The following TMTC1 variants were observed in gnomAD, a reference collection of about 807,000 sequenced individuals.
The protein encoded by TMTC1 is protein O-mannosyl-transferase TMTC1.
TMTC1 carries 73 observed loss-of-function variants against 104.8 expected under a neutral mutation model. That is an observed-to-expected ratio of 0.70 (90% CI 0.58 to 0.85). TMTC1 has a LOEUF of 0.85. Among genes scored for constraint, TMTC1 ranks in the 40% least tolerant of loss-of-function variants. TMTC1 has a pLI of 0.00. For missense variants in TMTC1, 1,035 were observed against 1,096.1 expected (o/e 0.94, Z 0.79); for synonymous variants, 434 against 428.7 (o/e 1.01, Z -0.15).
At chr12:29,643,597 T>TTATATATTATATATATC (rs1938999998) in intron 5 of TMTC1, among the ~76,000 whole-genome samples, 1 of 30,886 alleles carries the variant, frequency 3.2e-5, no homozygotes, top group African/African-American at 1.5e-4. Context: ...TAAATATATA[T>TTATATATTATATATATC]TATATATTAT....
rs762997761 is a variant in TMTC1, at chr12:29,783,650, G to T, written c.102C>A (p.Ala34=). The change falls in exon 1 of 18, where the codon GCC becomes GCA. Residue 34 remains alanine (A), a synonymous_variant. Transcript: ENST00000539277. This position sits in a 1 kb window ranked among gnomAD's most constrained non-coding sequence, Gnocchi z 4.7. ...GGCCGTAGCACAGGCAGCTTGCCCC[G>T]GCCAGCAGCGCCGCGGCCCCGGCCG... ...LAPAGAAALL[A]GASCLCYGRS... 110 of 1,410,584 alleles carry T rather than the reference G, an allele frequency of 7.8e-5. No homozygotes were observed. Among genetic ancestry groups the T allele is most frequent in the Non-Finnish European group, 9.6e-5 (104 of 1,081,786 alleles). 87.4% of individuals were successfully genotyped at this position (1,410,584 alleles called of 1,614,324 possible).
intron 9 of TMTC1, among the ~76,000 whole-genome samples, chr12:29,563,617 T>C (rs547276865): frequency 2.0e-5 from 3 of 152,294 alleles, no homozygotes; most frequent in African/African-American, 7.2e-5. Context: ...AAAGTTGTTC[T>C]GCAAAATATC....
intron 8 of TMTC1, among the ~76,000 whole-genome samples, chr12:29,577,413 T>C (rs1479827447): frequency 6.6e-6 from 1 of 152,182 alleles, no homozygotes; most frequent in African/African-American, 2.4e-5. Context: ...GCTTCTCATG[T>C]ACTAGAATGG....
At chr12:29,653,053 CTG>C (rs1473746879) in intron 5 of TMTC1, among the ~76,000 whole-genome samples, 2 of 151,614 alleles carry the variant, frequency 1.3e-5, no homozygotes, top group South Asian at 2.1e-4. Context: ...CAGAGTGAAA[CTG>C]TGAACTGTGT....
Position 29,720,330 on chromosome 12 carries a change from C to T in TMTC1, c.938+31336G>A, listed in dbSNP as rs1041975119. On this transcript the variant is annotated intron_variant, in intron 5 of 17. Transcript: ENST00000539277. ...AGCACATCTGCACAGCCTCCTGTTT[C>T]GGTGAGTTTCTCCCAATAAATATGG... Among the ~76,000 whole-genome samples, 13 of 152,274 alleles carry T rather than the reference C, an allele frequency of 8.5e-5. No homozygotes were observed. The East Asian group carries it at 1.5e-3, about 18-fold the overall frequency.
At position 29,613,947 on chromosome 12, in the gene TMTC1, T is replaced by C; in HGVS notation, c.1129-9648A>G. 4.1e-6 allele frequency: 4 copies of C among 981,960 alleles called. No homozygotes were observed. The South Asian group carries it at 1.9e-4, about 46-fold the overall frequency. 60.8% of individuals were successfully genotyped at this position (981,960 alleles called of 1,614,324 possible). A position where few individuals can be genotyped will look rare whatever the true frequency, so the allele number is the denominator to read the frequency against. On this transcript the variant is annotated intron_variant, in intron 6 of 17. Coordinates refer to ENST00000539277, the MANE Select transcript of TMTC1 (RefSeq NM_001193451.2). ...TTCATCTATCCACTTGGAATTGTCATACAGAAGACAGTCCCTTTGTTCTAT... is the reference window on the plus strand; with the variant it reads ...TTCATCTATCCACTTGGAATTGTCACACAGAAGACAGTCCCTTTGTTCTAT...
At chr12:29,660,798 ACT>A (rs771662495) in intron 5 of TMTC1, 1 of 1,195,844 alleles carries the variant, frequency 8.4e-7, no homozygotes, top group South Asian at 1.7e-5. Context: ...ATATATATAT[ACT>A]TACATAACTT....
chr12:29,697,307 C>T (rs905297739), intron 5 of TMTC1, among the ~76,000 whole-genome samples: 1 of 152,200 alleles, frequency 6.6e-6, no homozygotes, highest in African/African-American at 2.4e-5. Flanking sequence ...TGAGCCTGTC[C>T]TGCTTCTCTT....
At chr12:29,700,633 T>C (rs779881678) in intron 5 of TMTC1, among the ~76,000 whole-genome samples, 6 of 152,314 alleles carry the variant, frequency 3.9e-5, no homozygotes, top group Non-Finnish European at 7.3e-5. Context: ...TTTTTGATGA[T>C]AGCATGGCTT....
At chr12:29,707,338 A>G (rs1591954518) in intron 5 of TMTC1, among the ~76,000 whole-genome samples, 2 of 152,252 alleles carry the variant, frequency 1.3e-5, no homozygotes, top group South Asian at 2.1e-4. Flanking sequence ...CTTAGCTACT[A>G]TATAAAATTT....
chr12:29,770,159 G>A (rs184917779), intron 1 of TMTC1, among the ~76,000 whole-genome samples: 4 of 151,852 alleles, frequency 2.6e-5, no homozygotes, highest in African/African-American at 9.7e-5. Flanking sequence ...AAAAAAAAAG[G>A]CTTATTTTTG....
At chr12:29,577,886 C>A (rs159690) in intron 8 of TMTC1, among the ~76,000 whole-genome samples, 88,128 of 151,730 alleles carry the variant, frequency 0.58, 26,824 homozygotes, top group Non-Finnish European at 0.67. Flanking sequence ...GTCATATTGG[C>A]AAAATCCAGG....
At chr12:29,671,250 C>T (rs1006820989) in intron 5 of TMTC1, among the ~76,000 whole-genome samples, 1 of 148,734 alleles carries the variant, frequency 6.7e-6, no homozygotes, top group African/African-American at 2.5e-5. Context: ...CAGTGAGCAG[C>T]GATTGCACCA....
chr12:29,509,464 T>G (rs1273738495), intron 17 of TMTC1, among the ~76,000 whole-genome samples: 1 of 152,164 alleles, frequency 6.6e-6, no homozygotes, highest in East Asian at 1.9e-4. Flanking sequence ...CTGCCTAAGC[T>G]TCCCCCAGGT....
chr12:29,643,697 A>AT (rs1939041757), intron 5 of TMTC1, among the ~76,000 whole-genome samples: 9 of 37,670 alleles, frequency 2.4e-4, no homozygotes, highest in African/African-American at 8.0e-4. Flanking sequence ...TATATTATAT[A>AT]TATTATATAT....
chr12:29,762,203 T>C (rs1159547002), intron 2 of TMTC1, among the ~76,000 whole-genome samples: 2 of 152,076 alleles, frequency 1.3e-5, no homozygotes, highest in African/African-American at 4.8e-5. Flanking sequence ...AAAATAAGCA[T>C]GGAGGTAAAC....
At chr12:29,747,846 A>G (rs1942993687) in intron 5 of TMTC1, among the ~76,000 whole-genome samples, 1 of 152,194 alleles carries the variant, frequency 6.6e-6, no homozygotes, top group South Asian at 2.1e-4. Flanking sequence ...TTGAGAGATG[A>G]GAAAACTGAG....
intron 5 of TMTC1, among the ~76,000 whole-genome samples, chr12:29,647,071 G>T (rs191891461): frequency 1.3e-5 from 2 of 152,292 alleles, no homozygotes; most frequent in African/African-American, 4.8e-5. Context: ...CACCCAGGCT[G>T]GAGTACAGTG....
At chr12:29,597,735 G>C (rs1946449341) in intron 7 of TMTC1, among the ~76,000 whole-genome samples, 2 of 152,054 alleles carry the variant, frequency 1.3e-5, no homozygotes, top group African/African-American at 2.4e-5. Context: ...AGTGGCAAGG[G>C]ACCTTAGAGA....
Sources: gnomAD v4.1 joint callset for allele counts (sites outside exome capture counted in the v4.1 genomes callset) on GRCh38, gnomAD v4.1.1 for gene constraint, Gnocchi (gnomAD v3.1) non-coding constraint, MANE v1.5 for transcripts, NCBI Gene and HGNC (gene_info 2026-07-23, HGNC 2026-07-21) for gene names.